The following HECW2 variants were observed in gnomAD, a reference collection of about 807,000 sequenced individuals.
HECW2 encodes the protein HECT, C2 and WW domain containing E3 ubiquitin protein ligase 2, also known as E3 ubiquitin-protein ligase HECW2.
Under a neutral mutation model 175.2 loss-of-function variants are expected in HECW2, and 61 were observed. That is an observed-to-expected ratio of 0.35 (90% CI 0.28 to 0.43). The LOEUF is 0.43. HECW2 is among the 20% of genes least tolerant of loss of function. The pLI, the probability that HECW2 is intolerant of heterozygous loss-of-function variation, is 1.00. For missense variants in HECW2, 1,524 were observed against 2,000.5 expected (o/e 0.76, Z 4.54); for synonymous variants, 671 against 731.0 (o/e 0.92, Z 1.32).
chr2:196,482,899 G>T (rs1686889814), intron 1 of HECW2, among the ~76,000 whole-genome samples: 1 of 152,126 alleles, frequency 6.6e-6, no homozygotes, highest in African/African-American at 2.4e-5. Context: ...CCACTTCTCT[G>T]ACTTTTTGTT....
At chr2:196,580,152 T>C (rs1690718178) in intron 1 of HECW2, among the ~76,000 whole-genome samples, 1 of 152,166 alleles carries the variant, frequency 6.6e-6, no homozygotes, top group Non-Finnish European at 1.5e-5. Flanking sequence ...TAAACATATA[T>C]GCACTTAACA....
intron 6 of HECW2, among the ~76,000 whole-genome samples, 178 bp downstream of exon 6, chr2:196,324,802 G>T (rs537224192): frequency 6.6e-6 from 1 of 152,144 alleles, no homozygotes; most frequent in African/African-American, 2.4e-5. Flanking sequence ...AGCTTCATTT[G>T]TCTTACCCTA....
intron 8 of HECW2, 21 bp from the exon 9 acceptor site, chr2:196,319,925 T>G (rs1397591407): frequency 1.3e-6 from 2 of 1,552,452 alleles, no homozygotes; most frequent in Non-Finnish European, 1.7e-6. Flanking sequence ...AAACAGCATT[T>G]CTAAAAAATT....
At chr2:196,362,695 CAGAT>C (rs1427885124) in intron 2 of HECW2, among the ~76,000 whole-genome samples, 2 of 152,146 alleles carry the variant, frequency 1.3e-5, no homozygotes, top group African/African-American at 2.4e-5. Context: ...AATGTGAAAA[CAGAT>C]AGAATCATCA....
intron 13 of HECW2, among the ~76,000 whole-genome samples, chr2:196,299,948 C>T (rs1049168795): frequency 1.3e-5 from 2 of 151,676 alleles, no homozygotes; most frequent in Non-Finnish European, 2.9e-5. Flanking sequence ...AAAAAATTCC[C>T]GCAGCCTTAT....
At chr2:196,312,076 T>C (rs1559031334) in intron 10 of HECW2, among the ~76,000 whole-genome samples, 1 of 152,196 alleles carries the variant, frequency 6.6e-6, no homozygotes, top group Non-Finnish European at 1.5e-5. Flanking sequence ...GGGTTGTTTC[T>C]GTGATCCCTC....
chr2:196,244,265 C>T (rs1301898166), intron 19 of HECW2, among the ~76,000 whole-genome samples: 1 of 152,158 alleles, frequency 6.6e-6, no homozygotes, highest in African/African-American at 2.4e-5. Context: ...ACTAGGTATA[C>T]AGACTAGAAA....
At chr2:196,587,682 A>G (rs527305607) in intron 1 of HECW2, among the ~76,000 whole-genome samples, 1 of 152,378 alleles carries the variant, frequency 6.6e-6, no homozygotes, top group East Asian at 1.9e-4. Context: ...AAATTATATT[A>G]ACAAACATGA....
At position 196,317,385 on chromosome 2, in the gene HECW2, G is replaced by C; in HGVS notation, c.2339-16C>G. The C allele has an allele frequency of 6.3e-7, 1 of 1,575,502 alleles. No homozygotes were observed. Among genetic ancestry groups the C allele is most frequent in the African/African-American group, 1.3e-5 (1 of 74,288 alleles). Reference sequence around the variant, plus strand: ...GCTTGAGAACCTAGGATTAAAGGTAGAAAGTTACCAGGTATTGTTTTCTCT... The same window carrying C: ...GCTTGAGAACCTAGGATTAAAGGTACAAAGTTACCAGGTATTGTTTTCTCT... On this transcript the variant is annotated splice_polypyrimidine_tract_variant and intron_variant, in intron 9 of 28. Coordinates refer to ENST00000644978, the MANE Select transcript of HECW2 (RefSeq NM_001348768.2).
intron 1 of HECW2, among the ~76,000 whole-genome samples, chr2:196,463,050 G>A (rs1049364127): frequency 6.6e-6 from 1 of 152,152 alleles, no homozygotes; most frequent in African/African-American, 2.4e-5. Flanking sequence ...TAACTTGTAA[G>A]TTCTGTAGTC....
At chr2:196,206,131 G>C (rs1162414489) in intron 28 of HECW2, among the ~76,000 whole-genome samples, 2 of 152,148 alleles carry the variant, frequency 1.3e-5, no homozygotes, top group African/African-American at 4.8e-5. Flanking sequence ...GATGTTGGCA[G>C]CAAAAGTGCA....
chr2:196,520,806 G>C (rs1350178531), intron 1 of HECW2, among the ~76,000 whole-genome samples: 1 of 152,164 alleles, frequency 6.6e-6, no homozygotes, highest in Non-Finnish European at 1.5e-5. Context: ...GTAGGTCAGA[G>C]GGGATTCAAT....
intron 2 of HECW2, among the ~76,000 whole-genome samples, chr2:196,369,341 A>AGTCTCT (rs1693841794): frequency 1.0e-5 from 1 of 99,238 alleles, no homozygotes; most frequent in South Asian, 3.6e-4. Flanking sequence ...AAACAAATGG[A>AGTCTCT]GTCTCTCTCT....
At chr2:196,385,963 C>G (rs541114860) in intron 2 of HECW2, among the ~76,000 whole-genome samples, 3 of 152,146 alleles carry the variant, frequency 2.0e-5, no homozygotes, top group African/African-American at 4.8e-5. Context: ...TCTAGAACTT[C>G]TTCCTATTAA....
chr2:196,209,458 A>G (rs751715297), intron 28 of HECW2, among the ~76,000 whole-genome samples: 25 of 152,230 alleles, frequency 1.6e-4, no homozygotes, highest in Non-Finnish European at 3.4e-4. Flanking sequence ...TTTTGTTAGT[A>G]CATGCAGATT....
intron 4 of HECW2, among the ~76,000 whole-genome samples, chr2:196,332,145 G>T (rs1360784584): frequency 7.0e-6 from 1 of 142,958 alleles, no homozygotes; most frequent in Non-Finnish European, 1.5e-5. Context: ...CGTGAGAAAA[G>T]AGACCACATG....
intron 21 of HECW2, among the ~76,000 whole-genome samples, chr2:196,237,210 A>G (rs988959452): frequency 6.6e-6 from 1 of 152,034 alleles, no homozygotes; most frequent in Non-Finnish European, 1.5e-5. Flanking sequence ...GTTTATTTCA[A>G]TAGATTTGTG....
intron 21 of HECW2, 100 bp downstream of exon 21, chr2:196,240,349 C>A (rs1303934179): frequency 5.0e-6 from 4 of 804,278 alleles, no homozygotes; most frequent in Admixed American, 2.8e-5. Context: ...CACTTCCTGG[C>A]AGAAGGATTT....
chr2:196,356,262 A>G (rs531435060), intron 2 of HECW2, among the ~76,000 whole-genome samples: 1 of 152,344 alleles, frequency 6.6e-6, no homozygotes, highest in South Asian at 2.1e-4. Flanking sequence ...ATTTTTAACA[A>G]TGAGGAGAGT....
Sources: allele counts gnomAD v4.1 joint callset (sites outside exome capture counted in the v4.1 genomes callset), GRCh38; gene constraint gnomAD v4.1.1; transcripts MANE v1.5; gene names NCBI Gene and HGNC (gene_info 2026-07-23, HGNC 2026-07-21).